Variants in SEZ6L observed in about 807,000 individuals in gnomAD.
SEZ6L encodes the protein seizure related 6 homolog like.
Under a neutral mutation model 106.2 loss-of-function variants are expected in SEZ6L, and 37 were observed. The ratio of observed to expected loss-of-function variants is 0.35; its 90% CI spans 0.27 to 0.46. The LOEUF is 0.46. Among genes scored for constraint, SEZ6L ranks in the 20% least tolerant of loss-of-function variants. The probability of loss-of-function intolerance (pLI) is 1.00; values close to 1 mark genes in which losing one functional copy is unlikely to be tolerated. For synonymous variants in SEZ6L, 541 were observed against 570.4 expected (o/e 0.95, Z 0.73); for missense variants, 1,172 against 1,332.8 (o/e 0.88, Z 1.88).
chr22:26,303,850 G>A (rs2081527422), intron 5 of SEZ6L, among the ~76,000 whole-genome samples: 1 of 152,084 alleles, frequency 6.6e-6, no homozygotes, highest in Admixed American at 6.6e-5. Flanking sequence ...AAATGAAGGG[G>A]GAACCAAGCG....
At chr22:26,181,173 G>T (rs1016181832) in intron 1 of SEZ6L, among the ~76,000 whole-genome samples, 1 of 152,198 alleles carries the variant, frequency 6.6e-6, no homozygotes, top group Non-Finnish European at 1.5e-5. Context: ...CAGTGTATGT[G>T]AATGGTACCC....
intron 5 of SEZ6L, among the ~76,000 whole-genome samples, chr22:26,304,047 A>G (rs1376120667): frequency 6.6e-6 from 1 of 152,106 alleles, no homozygotes. Context: ...GCTACCCACC[A>G]TCTCTCCTCA....
chr22:26,310,830 T>C lies in SEZ6L; in HGVS notation c.1675T>C (p.Phe559Leu). The change falls in exon 7 of 17, where the codon TTT becomes CTT. Residue 559 changes from phenylalanine to leucine, a missense_variant. Phe to Leu is a conservative substitution (Grantham distance 22). Transcript: ENST00000248933. The part of the protein sequence containing the change: ...ARAASTFNIR[F>L]EAFEKGHCYE... The stretch of plus-strand genomic sequence containing the variant: ...GGCGGCCTCCACCTTCAACATCCGA[T>C]TTGAAGGTGAGGGTCCCTGGGAGCT... The C allele has an allele frequency of 6.2e-7, 1 of 1,613,554 alleles. No homozygotes were observed. Among genetic ancestry groups the C allele is most frequent in the Non-Finnish European group, 8.5e-7 (1 of 1,179,818 alleles).
At chr22:26,255,364 G>A (rs2079775765) in intron 1 of SEZ6L, among the ~76,000 whole-genome samples, 1 of 152,156 alleles carries the variant, frequency 6.6e-6, no homozygotes, top group African/African-American at 2.4e-5. Context: ...TATCTGGGTG[G>A]CCTTCATAGA....
chr22:26,280,322 C>A (rs990923007), intron 1 of SEZ6L, among the ~76,000 whole-genome samples: 15 of 152,024 alleles, frequency 9.9e-5, no homozygotes, highest in African/African-American at 3.4e-4. Flanking sequence ...AATGAAAATT[C>A]TCCTTTCCAT....
At chr22:26,328,679 G>T (rs989922429) in intron 9 of SEZ6L, among the ~76,000 whole-genome samples, 1 of 152,298 alleles carries the variant, frequency 6.6e-6, no homozygotes, top group Admixed American at 6.5e-5. Flanking sequence ...TGAGCTGCCC[G>T]TGGGGCAGGC....
At chr22:26,236,046 C>G (rs1048028185) in intron 1 of SEZ6L, among the ~76,000 whole-genome samples, 3 of 152,236 alleles carry the variant, frequency 2.0e-5, no homozygotes, top group Non-Finnish European at 4.4e-5. Context: ...ATCTTGCCCC[C>G]CTGTCTCGGG....
chr22:26,201,921 T>A lies in SEZ6L; in HGVS notation c.94+32158T>A, dbSNP rs181081509. ...CAGATTTTTTGTTGTTGTTTGTTTGTTTGTTTGCTTGAGATGGAGTCTGGC... is the reference window on the plus strand; with the variant it reads ...CAGATTTTTTGTTGTTGTTTGTTTGATTGTTTGCTTGAGATGGAGTCTGGC... On this transcript the variant is annotated intron_variant, in intron 1 of 16. Transcript: ENST00000248933. 6.6e-5 allele frequency among the ~76,000 whole-genome samples: 10 copies of A among 152,260 alleles called. No homozygotes were observed. The East Asian group carries it at 1.9e-3, about 29-fold the overall frequency.
intron 1 of SEZ6L, among the ~76,000 whole-genome samples, chr22:26,227,583 A>ATTT (rs11415829): frequency 9.4e-4 from 132 of 140,008 alleles, no homozygotes; most frequent in African/African-American, 3.0e-3. Context: ...CTAATTTTTA[A>ATTT]TTTTTTTTTT....
At chr22:26,201,382 C>CAAAAAAA (rs71192905) in intron 1 of SEZ6L, among the ~76,000 whole-genome samples, 11 of 75,310 alleles carry the variant, frequency 1.5e-4, no homozygotes, top group East Asian at 8.6e-4. Flanking sequence ...TACAAAAATA[C>CAAAAAAA]AAAAAAAAAA....
intron 1 of SEZ6L, among the ~76,000 whole-genome samples, chr22:26,194,819 A>T (rs1184866474): frequency 6.6e-6 from 1 of 152,188 alleles, no homozygotes; most frequent in Non-Finnish European, 1.5e-5. Context: ...ACCTGGAGGG[A>T]CTTTGTGTAG....
chr22:26,261,777 A>G (rs912095115), intron 1 of SEZ6L, among the ~76,000 whole-genome samples: 1 of 152,204 alleles, frequency 6.6e-6, no homozygotes, highest in Non-Finnish European at 1.5e-5. Context: ...GGGAGGGTAG[A>G]TAAGCGTGAA....
intron 11 of SEZ6L, among the ~76,000 whole-genome samples, chr22:26,350,703 C>T (rs1368980297): frequency 6.8e-6 from 1 of 147,330 alleles, no homozygotes; most frequent in Admixed American, 6.8e-5. Context: ...GTCGCCCAGG[C>T]TGGAGTGCAG....
intron 1 of SEZ6L, among the ~76,000 whole-genome samples, chr22:26,288,879 G>A (rs550619520): frequency 6.6e-6 from 1 of 152,184 alleles, no homozygotes; most frequent in South Asian, 2.1e-4. Flanking sequence ...TAATTAAGGG[G>A]TAATGTTTGC....
intron 10 of SEZ6L, among the ~76,000 whole-genome samples, chr22:26,342,863 C>G (rs1011188335): frequency 6.6e-6 from 1 of 152,290 alleles, no homozygotes; most frequent in South Asian, 2.1e-4. Context: ...ACAAGCTACC[C>G]CCTTGACCAT....
chr22:26,228,262 G>C (rs2078693438), intron 1 of SEZ6L, among the ~76,000 whole-genome samples: 1 of 152,204 alleles, frequency 6.6e-6, no homozygotes, highest in African/African-American at 2.4e-5. Flanking sequence ...AAATAACCAT[G>C]CTCTAAAAAA....
chr22:26,248,518 T>C (rs530428264), intron 1 of SEZ6L, among the ~76,000 whole-genome samples: 21 of 152,210 alleles, frequency 1.4e-4, no homozygotes, highest in South Asian at 1.0e-3. Flanking sequence ...GTTTTTCTAT[T>C]TTGATTGTTG....
intron 12 of SEZ6L, among the ~76,000 whole-genome samples, chr22:26,354,783 G>A (rs2083388367): frequency 6.6e-6 from 1 of 152,202 alleles, no homozygotes; most frequent in Non-Finnish European, 1.5e-5. Context: ...CCCTCCCTTC[G>A]GGAATGCTTT....
chr22:26,306,329 A>C (rs148871556), intron 6 of SEZ6L, among the ~76,000 whole-genome samples, 185 bp downstream of exon 6: 10 of 152,342 alleles, frequency 6.6e-5, no homozygotes, highest in Admixed American at 6.5e-4. Flanking sequence ...CAGATAAGGA[A>C]ACCAGGGTAT....
Sources: allele counts gnomAD v4.1 joint callset (sites outside exome capture counted in the v4.1 genomes callset), GRCh38; gene constraint gnomAD v4.1.1; transcripts MANE v1.5; gene names NCBI Gene and HGNC (gene_info 2026-07-23, HGNC 2026-07-21).